The following ZMYM4 variants were observed in gnomAD, a reference collection of about 807,000 sequenced individuals.
ZMYM4 encodes zinc finger MYM-type protein 4.
A neutral mutation model predicts 183.2 loss-of-function variants in ZMYM4; 31 were observed. The ratio of observed to expected loss-of-function variants is 0.17; its 90% CI spans 0.13 to 0.23. The LOEUF (loss-of-function observed/expected upper bound fraction) is 0.23. ZMYM4 is among the 10% of genes least tolerant of loss of function. The pLI is 1.00. For missense variants in ZMYM4, 1,273 were observed against 1,840.3 expected (o/e 0.69, Z 5.64); for synonymous variants, 592 against 631.2 (o/e 0.94, Z 0.93).
At chr1:35,383,634 A>G (rs1032097551) in intron 9 of ZMYM4, among the ~76,000 whole-genome samples, 1 of 152,182 alleles carries the variant, frequency 6.6e-6, no homozygotes, top group African/African-American at 2.4e-5. Flanking sequence ...ATCAGGTACT[A>G]AAAGTTACCT....
intron 22 of ZMYM4, 60 bp downstream of exon 22, chr1:35,399,103 T>C: frequency 6.5e-7 from 1 of 1,531,662 alleles, no homozygotes; most frequent in Non-Finnish European, 8.9e-7. Flanking sequence ...GGTACAACTC[T>C]GAATTGACAC....
intron 1 of ZMYM4, among the ~76,000 whole-genome samples, chr1:35,308,316 T>G (rs1200098601): frequency 1.3e-5 from 2 of 152,240 alleles, no homozygotes; most frequent in African/African-American, 4.8e-5. Flanking sequence ...TAAGGTAGTT[T>G]ATTCACTTAA....
rs373721633 is a variant in ZMYM4 at position 35,310,703 on chromosome 1, C to T, written c.40-14657C>T. 2.6e-5 allele frequency among the ~76,000 whole-genome samples: 4 copies of T among 152,108 alleles called. No individual in the cohort carries two copies. The East Asian group carries it at 7.7e-4, about 29-fold the overall frequency. On this transcript the variant is annotated intron_variant, in intron 1 of 29. Transcript: ENST00000314607. ...AAGTGGTTCTCCTGCTTCAGCCTCC[C>T]GAGTAGCTGGGATTACAGGCATGCA...
chr1:35,305,890 G>A (rs977673853), intron 1 of ZMYM4, among the ~76,000 whole-genome samples: 1 of 152,080 alleles, frequency 6.6e-6, no homozygotes, highest in East Asian at 1.9e-4. Context: ...GATTAATGTG[G>A]TTATATATAA....
intron 4 of ZMYM4, 131 bp downstream of exon 4, chr1:35,361,386 T>C: frequency 1.0e-6 from 1 of 1,000,078 alleles, no homozygotes; most frequent in Non-Finnish European, 1.4e-6. Context: ...GCTTAATATT[T>C]GTTTAAGGTC....
intron 9 of ZMYM4, among the ~76,000 whole-genome samples, chr1:35,384,080 G>T (rs1182825524): frequency 1.3e-5 from 2 of 152,054 alleles, no homozygotes; most frequent in African/African-American, 4.8e-5. Flanking sequence ...TGTTTTGAGG[G>T]GCTGCCTGTC....
chr1:35,292,941 A>C (rs1473871004), intron 1 of ZMYM4, among the ~76,000 whole-genome samples: 1 of 152,112 alleles, frequency 6.6e-6, no homozygotes, highest in African/African-American at 2.4e-5. Context: ...ATGAGGGAGA[A>C]GGTGAAGTAT....
chr1:35,409,686 A>C (rs987992675), intron 26 of ZMYM4, among the ~76,000 whole-genome samples: 1 of 152,098 alleles, frequency 6.6e-6, no homozygotes, highest in Non-Finnish European at 1.5e-5. Flanking sequence ...TCACACCTGT[A>C]ATCCCAGCAC....
intron 1 of ZMYM4, among the ~76,000 whole-genome samples, chr1:35,287,542 A>T (rs185015504): frequency 6.6e-6 from 1 of 152,074 alleles, no homozygotes; most frequent in East Asian, 1.9e-4. Flanking sequence ...TTACTTGCTC[A>T]CACACCTAGT....
chr1:35,323,618 A>G (rs1642382930), intron 1 of ZMYM4, among the ~76,000 whole-genome samples: 1 of 151,346 alleles, frequency 6.6e-6, no homozygotes, highest in Admixed American at 6.6e-5. Context: ...ATCTCAGCTC[A>G]CTGCAAGCTC....
chr1:35,334,327 A>T (rs1192338177), intron 2 of ZMYM4, among the ~76,000 whole-genome samples: 5 of 152,168 alleles, frequency 3.3e-5, no homozygotes, highest in African/African-American at 1.2e-4. Context: ...TCTAAAAAAT[A>T]AAAAAGCACT....
chr1:35,270,214 A>C (rs1639526391), intron 1 of ZMYM4, among the ~76,000 whole-genome samples: 1 of 152,230 alleles, frequency 6.6e-6, no homozygotes, highest in Admixed American at 6.5e-5. Context: ...CTTAGATCAC[A>C]CAGCTAGTTG....
chr1:35,303,287 C>CA (rs768765815), intron 1 of ZMYM4, among the ~76,000 whole-genome samples: 5,169 of 70,750 alleles, frequency 0.073, 228 homozygotes, highest in East Asian at 0.3. Context: ...TACCTTGTCT[C>CA]AAAAAAAAAA....
chr1:35,289,882 C>T (rs1241649702), intron 1 of ZMYM4, among the ~76,000 whole-genome samples: 1 of 152,112 alleles, frequency 6.6e-6, no homozygotes, highest in Non-Finnish European at 1.5e-5. Context: ...TGTATAATAG[C>T]TGCTTTTCAT....
chr1:35,332,782 A>T (rs1277151646), intron 2 of ZMYM4, among the ~76,000 whole-genome samples: 1 of 151,904 alleles, frequency 6.6e-6, no homozygotes. Context: ...CTGACCTCGA[A>T]CTCCTGGGCT....
At position 35,378,463 on chromosome 1, in the gene ZMYM4, C is replaced by T. The variant is rs118004978; in HGVS notation, c.1182-2796C>T. 9.7e-4 allele frequency among the ~76,000 whole-genome samples: 147 copies of T among 152,302 alleles called. 1 individual carries two copies. The East Asian group carries it at 0.026, about 27-fold the overall frequency. ...AAAGTTGAAATTACTCCTTGATCCA[C>T]AGGCTGCAGAATAGATACTGGGTAA... is the stretch of plus-strand genomic sequence containing the variant. On this transcript the variant is annotated intron_variant, in intron 7 of 29. Transcript: ENST00000314607.
rs1193790206 is a variant in ZMYM4, at chr1:35,370,119, A to T, written c.925+6A>T. The T allele has an allele frequency of 6.2e-7, 1 of 1,612,540 alleles. No homozygotes were observed. The highest frequency in any genetic ancestry group is 8.5e-7 in the Non-Finnish European group (1 of 1,178,930). On this transcript the variant is annotated splice_donor_region_variant and intron_variant, in intron 6 of 29. Coordinates refer to ENST00000314607, the MANE Select transcript of ZMYM4 (RefSeq NM_005095.3). ...AGTCAGTGGCAGCCCTCTTGGTAAG[A>T]AACAGACCTGAATAAATGGATTGTG...
At chr1:35,352,385 C>CGT (rs777138935) in intron 2 of ZMYM4, among the ~76,000 whole-genome samples, 55 of 140,892 alleles carry the variant, frequency 3.9e-4, no homozygotes, top group Admixed American at 3.9e-3. Flanking sequence ...TAAAAATTAG[C>CGT]GCACACACAC....
chr1:35,366,968 G>A (rs1644096301), intron 5 of ZMYM4, among the ~76,000 whole-genome samples: 1 of 150,092 alleles, frequency 6.7e-6, no homozygotes, highest in African/African-American at 2.5e-5. Flanking sequence ...AGGTTGCAGT[G>A]AGCCAAGATC....
Sources: allele counts gnomAD v4.1 joint callset (sites outside exome capture counted in the v4.1 genomes callset), GRCh38; gene constraint gnomAD v4.1.1; transcripts MANE v1.5; gene names NCBI Gene and HGNC (gene_info 2026-07-23, HGNC 2026-07-21).